Variants in ZNF592 observed in about 807,000 individuals in gnomAD.
ZNF592 encodes the protein spinocerebellar ataxia, autosomal recessive 5.
Under a neutral mutation model 80.3 loss-of-function variants are expected in ZNF592, and 11 were observed. The observed-to-expected ratio is 0.14, with a 90% CI of 0.09 to 0.23. The LOEUF (loss-of-function observed/expected upper bound fraction) is 0.23, where lower values mean the gene tolerates loss of function less well. Ranked by LOEUF, ZNF592 falls within the 10% of genes least tolerant of loss-of-function variation. ZNF592 has a pLI of 1.00. For missense variants in ZNF592, 1,420 were observed against 1,633.9 expected (o/e 0.87, Z 2.26); for synonymous variants, 646 against 640.3 (o/e 1.01, Z -0.13).
rs76911953 is a variant in ZNF592, at chr15:84,772,179, C to T, written c.-149-6004C>T. ...GAACATGAGCCTCTTTTTTCTGTTTCCTCTGATCCTACTGAAGTTTCACTA... is the reference window on the plus strand; with the variant it reads ...GAACATGAGCCTCTTTTTTCTGTTTTCTCTGATCCTACTGAAGTTTCACTA... On this transcript the variant is annotated intron_variant, in intron 2 of 10. Coordinates refer to ENST00000560079, the MANE Select transcript of ZNF592 (RefSeq NM_014630.3). 6.5e-3 allele frequency among the ~76,000 whole-genome samples: 991 copies of T among 152,194 alleles called. 5 individuals carry two copies. The highest frequency in any genetic ancestry group is 0.01 in the Non-Finnish European group (687 of 67,996).
rs1962487432 is a variant in ZNF592, at chr15:84,783,536, C to G, written c.861C>G (p.Ala287=). 6.2e-7 allele frequency: 1 copy of G among 1,614,110 alleles called. No homozygotes were observed. Among genetic ancestry groups the G allele is most frequent in the African/African-American group, 1.3e-5 (1 of 74,938 alleles). Residue 287 remains alanine, a synonymous_variant, in exon 4 of 11, where the codon GCC becomes GCG. Transcript: ENST00000560079. The surrounding 1 kb of genome is among the most constrained non-coding windows in gnomAD (Gnocchi z 5.0). ...CCAAGCTGTCCTCTTGTGTGGCAGC[C>G]TTGGTGGCCTTGCAGGCCAAAAGAG... ...AHSKLSSCVA[A]LVALQAKRVA...
rs772141330 is a variant in ZNF592 at position 84,799,810 on chromosome 15, A to G, written c.3138-32A>G. ...CACTGAGGGAGCCTGCGGCCCGGGCACTTACCTGACCTCTCCGCTGTGCTT... is the reference window on the plus strand; with the variant it reads ...CACTGAGGGAGCCTGCGGCCCGGGCGCTTACCTGACCTCTCCGCTGTGCTT... On this transcript the variant is annotated intron_variant, in intron 9 of 10. Coordinates refer to ENST00000560079, the MANE Select transcript of ZNF592 (RefSeq NM_014630.3). This position sits in a 1 kb window ranked among gnomAD's most constrained non-coding sequence, Gnocchi z 4.2. 2 of 1,613,176 alleles carry G rather than the reference A, an allele frequency of 1.2e-6. No homozygotes were observed. Among genetic ancestry groups the G allele is most frequent in the Admixed American group, 1.7e-5 (1 of 60,018 alleles).
rs1962451608 is a variant in ZNF592 at position 84,782,671 on chromosome 15, C to T, written c.-5C>T. On this transcript the variant is annotated 5_prime_UTR_variant, in exon 4 of 11. Transcript: ENST00000560079. ...TTCTGTTACAGCCCTTGCCAGCATCCAGCCATGGGGGATATGAAAACCCCA... is the reference window on the plus strand; with the variant it reads ...TTCTGTTACAGCCCTTGCCAGCATCTAGCCATGGGGGATATGAAAACCCCA... 2.5e-6 allele frequency: 4 copies of T among 1,613,944 alleles called. No homozygotes were observed. Among genetic ancestry groups the T allele is most frequent in the Non-Finnish European group, 2.5e-6 (3 of 1,180,036 alleles).
At chr15:84,761,863 C>G (rs761902947) in intron 1 of ZNF592, among the ~76,000 whole-genome samples, 1 of 152,210 alleles carries the variant, frequency 6.6e-6, no homozygotes, top group Non-Finnish European at 1.5e-5. Context: ...GTTTATTTCT[C>G]AGAACAAATT....
Position 84,799,117 on chromosome 15 carries a change from G to C in ZNF592, c.3044G>C (p.Cys1015Ser). Residue 1015 changes from cysteine to serine, a missense_variant, in exon 9 of 11, where the codon TGC becomes TCC. Physicochemically the swap from Cys to Ser is moderately radical, Grantham distance 112. Transcript: ENST00000560079. This position sits in a 1 kb window ranked among gnomAD's most constrained non-coding sequence, Gnocchi z 4.2. Reference sequence around the variant, plus strand: ...CCTTAGACATTGAAGCGGTACCCATGCCGGCAGTGTGAACAGTCCTTCCAC... The same window carrying C: ...CCTTAGACATTGAAGCGGTACCCATCCCGGCAGTGTGAACAGTCCTTCCAC... Reference protein sequence around the residue: ...SHGRTLKRYPCRQCEQSFHTP... With the variant: ...SHGRTLKRYPSRQCEQSFHTP... 6.2e-7 allele frequency: 1 copy of C among 1,614,162 alleles called. No individual in the cohort carries two copies. The highest frequency in any genetic ancestry group is 2.2e-5 in the East Asian group (1 of 44,872).
chr15:84,754,292 C>T (rs1269982216), intron 1 of ZNF592, among the ~76,000 whole-genome samples: 4 of 152,170 alleles, frequency 2.6e-5, no homozygotes, highest in Admixed American at 6.5e-5. Flanking sequence ...GGCACGGTGG[C>T]TCGTGCTTGT....
Position 84,799,732 on chromosome 15 carries a change from C to CT in ZNF592, c.3138-110_3138-109insT. On this transcript the variant is annotated intron_variant, in intron 9 of 10. Coordinates refer to ENST00000560079, the MANE Select transcript of ZNF592 (RefSeq NM_014630.3). The surrounding 1 kb of genome is among the most constrained non-coding windows in gnomAD (Gnocchi z 4.2). ...ATCTCTCTGGGGTTCCCAGCACTAG[C>CT]CAGCCCAGGAGTCTGCTCCAGACTC... is the stretch of plus-strand genomic sequence containing the variant. The CT allele has an allele frequency of 6.4e-7, 1 of 1,552,802 alleles. No individual in the cohort carries two copies. Among genetic ancestry groups the CT allele is most frequent in the Non-Finnish European group, 8.8e-7 (1 of 1,138,540 alleles).
At chr15:84,785,317 T>A (rs1307744224) in intron 4 of ZNF592, among the ~76,000 whole-genome samples, 1 of 152,034 alleles carries the variant, frequency 6.6e-6, no homozygotes, top group Non-Finnish European at 1.5e-5. Context: ...TTTGTCTTTT[T>A]TTTTTTTTTC....
intron 1 of ZNF592, among the ~76,000 whole-genome samples, chr15:84,762,144 T>C (rs368508823): frequency 6.6e-6 from 1 of 152,352 alleles, no homozygotes; most frequent in East Asian, 1.9e-4. Flanking sequence ...TGCCAGGCAC[T>C]ATTCTAGGCA....
At chr15:84,749,800 C>G (rs545381823) in intron 1 of ZNF592, among the ~76,000 whole-genome samples, 33 of 152,310 alleles carry the variant, frequency 2.2e-4, no homozygotes, top group African/African-American at 7.5e-4. Context: ...CTCACTGTTA[C>G]GTTACACAGT....
chr15:84,768,803 T>C (rs1899613277), intron 2 of ZNF592, among the ~76,000 whole-genome samples: 1 of 152,242 alleles, frequency 6.6e-6, no homozygotes, highest in Non-Finnish European at 1.5e-5. Flanking sequence ...TGAAGGTCTC[T>C]CTAAAATTTT....
chr15:84,795,415 C>T (rs1962867636), intron 5 of ZNF592, among the ~76,000 whole-genome samples: 2 of 152,226 alleles, frequency 1.3e-5, no homozygotes, highest in Non-Finnish European at 2.9e-5. Context: ...CCATTGGATT[C>T]AGTCCTTCAT....
At position 84,798,362 on chromosome 15, in the gene ZNF592, A is replaced by G; in HGVS notation, c.2624A>G (p.His875Arg). The G allele has an allele frequency of 1.5e-5, 24 of 1,614,252 alleles. No homozygotes were observed. The highest frequency in any genetic ancestry group is 2.0e-5 in the Non-Finnish European group (24 of 1,180,048). ...SCEMVFNKKR[H>R]IQQHFYQNVS... ...GAAATGGTCTTCAACAAGAAGAGGC[A>G]CATTCAGCAGCATTTTTACCAGAAT... The change falls in exon 7 of 11, where the codon CAC (histidine) becomes CGC (arginine). Residue 875 changes from histidine to arginine, a missense_variant. By Grantham distance (29) the His-to-Arg change is conservative. Coordinates refer to ENST00000560079, the MANE Select transcript of ZNF592 (RefSeq NM_014630.3). This position sits in a 1 kb window ranked among gnomAD's most constrained non-coding sequence, Gnocchi z 4.5.
At chr15:84,763,790 G>A (rs1011365483) in intron 1 of ZNF592, among the ~76,000 whole-genome samples, 7 of 152,188 alleles carry the variant, frequency 4.6e-5, no homozygotes, top group African/African-American at 7.2e-5. Context: ...TGGGCAGAAC[G>A]AGAAATTCAG....
chr15:84,785,422 A>T (rs1470934443), intron 4 of ZNF592, among the ~76,000 whole-genome samples: 2 of 151,062 alleles, frequency 1.3e-5, no homozygotes, highest in African/African-American at 4.9e-5. Flanking sequence ...AGTGATTCTT[A>T]TGCCTCAGCC....
intron 2 of ZNF592, among the ~76,000 whole-genome samples, chr15:84,776,911 G>T (rs1329816961): frequency 6.6e-6 from 1 of 152,048 alleles, no homozygotes; most frequent in Non-Finnish European, 1.5e-5. Flanking sequence ...AATTAGCTGG[G>T]TGTGGTGGTG....
chr15:84,786,156 A>T (rs55804266), intron 4 of ZNF592, among the ~76,000 whole-genome samples: 2 of 152,158 alleles, frequency 1.3e-5, no homozygotes, highest in Non-Finnish European at 1.5e-5. Context: ...CTGGGGGTCT[A>T]TGCCAACCAG....
Position 84,782,936 on chromosome 15 carries a change from T to C in ZNF592, c.261T>C (p.Thr87=), listed in dbSNP as rs1249377658. 3 of 1,614,044 alleles carry C rather than the reference T, an allele frequency of 1.9e-6. No individual in the cohort carries two copies. The highest frequency in any genetic ancestry group is 2.5e-6 in the Non-Finnish European group (3 of 1,180,042). The part of the protein sequence containing the change: ...ESFEAEKDHI[T]PSLLHNGFRG... ...TTGAAGCGGAGAAAGACCACATTAC[T>C]CCCAGTCTCCTACACAATGGATTCC... Residue 87 remains threonine (T), a synonymous_variant, in exon 4 of 11, where the codon ACT becomes ACC. Transcript: ENST00000560079.
At chr15:84,775,899 T>G (rs1962237682) in intron 2 of ZNF592, among the ~76,000 whole-genome samples, 1 of 152,194 alleles carries the variant, frequency 6.6e-6, no homozygotes, top group Non-Finnish European at 1.5e-5. Context: ...CAATATGAAT[T>G]TATATTCATC....
Sources: allele counts gnomAD v4.1 joint callset (sites outside exome capture counted in the v4.1 genomes callset), GRCh38; gene constraint gnomAD v4.1.1; non-coding constraint Gnocchi (gnomAD v3.1); transcripts MANE v1.5; gene names NCBI Gene and HGNC (gene_info 2026-07-23, HGNC 2026-07-21).